The following NQO2 variants were observed in gnomAD, a reference collection of about 807,000 sequenced individuals.
NQO2 encodes the protein ribosyldihydronicotinamide dehydrogenase [quinone].
A neutral mutation model predicts 22.0 loss-of-function variants in NQO2; 18 were observed. The ratio of observed to expected loss-of-function variants is 0.82; its 90% CI spans 0.56 to 1.21. The LOEUF (loss-of-function observed/expected upper bound fraction) is 1.21. Among genes scored for constraint, NQO2 ranks in the 50% most tolerant of loss-of-function variants. NQO2 has a pLI of 0.00. For missense variants in NQO2, 267 were observed against 286.9 expected, an observed-to-expected ratio of 0.93 and a Z score of 0.50; for synonymous variants, 106 against 110.8, an observed-to-expected ratio of 0.96 and a Z score of 0.28.
rs775788830 is a variant in NQO2, at chr6:3,010,197, A to T, written c.172+8A>T. Reference sequence around the variant, plus strand: ...CAGACAAAGATATCACTGGTGAGTCATGGGATAAATGCTCTATTTATAAAA... The same window carrying T: ...CAGACAAAGATATCACTGGTGAGTCTTGGGATAAATGCTCTATTTATAAAA... On this transcript the variant is annotated splice_region_variant and intron_variant, in intron 3 of 6. Transcript: ENST00000380455. The T allele has an allele frequency of 6.3e-7, 1 of 1,584,494 alleles. No homozygotes were observed. The highest frequency in any genetic ancestry group is 2.3e-5 in the East Asian group (1 of 44,388).
intron 1 of NQO2, chr6:3,005,530 C>A: frequency 2.4e-6 from 1 of 413,776 alleles, no homozygotes; most frequent in Non-Finnish European, 3.3e-6. Context: ...ACTGACCATT[C>A]ATACATCTTT....
chr6:3,015,665 T>A, intron 5 of NQO2, 22 bp downstream of exon 5: 1 of 1,608,210 alleles, frequency 6.2e-7, no homozygotes, highest in Non-Finnish European at 8.5e-7. Flanking sequence ...TGGATAAGGA[T>A]CACTATGGAT....
intron 1 of NQO2, among the ~76,000 whole-genome samples, chr6:3,001,045 T>C (rs1226410057): frequency 2.0e-5 from 3 of 151,414 alleles, no homozygotes; most frequent in Admixed American, 1.3e-4. Context: ...AGTTTCACCA[T>C]ATTGGCCAGG....
intron 1 of NQO2, among the ~76,000 whole-genome samples, chr6:3,001,097 T>C (rs533015851): frequency 0.017 from 2,590 of 149,940 alleles, 86 homozygotes; most frequent in African/African-American, 0.059. Flanking sequence ...TTTCTTTTTT[T>C]TTTTTTTTTG....
In NQO2 at chr6:3,015,581, A is replaced by C. The variant is rs201511110; in HGVS notation, c.355A>C (p.Arg119=). ...AGCCATCCTGAAGGGCTGGATGGAT[A>C]GGGTGCTGTGCCAGGGCTTTGCCTT... ...VPAILKGWMD[R]VLCQGFAFDI... The change falls in exon 5 of 7, where the codon AGG becomes CGG. Residue 119 remains arginine (R), a synonymous_variant. Coordinates refer to ENST00000380455, the MANE Select transcript of NQO2 (RefSeq NM_000904.6). The C allele has an allele frequency of 1.9e-6, 3 of 1,614,188 alleles. No homozygotes were observed. The East Asian group carries it at 6.7e-5, about 36-fold the overall frequency.
rs765436840 is a variant in NQO2, at chr6:3,006,493, T to C, written c.-60T>C. 3.8e-5 allele frequency: 62 copies of C among 1,612,210 alleles called. No homozygotes were observed. The African/African-American group carries it at 5.9e-4, about 15-fold the overall frequency. On this transcript the variant is annotated 5_prime_UTR_variant, in exon 2 of 7. Transcript: ENST00000380455. The surrounding 1 kb of genome is among the most constrained non-coding windows in gnomAD (Gnocchi z 4.0). Reference sequence around the variant, plus strand: ...ATTGCTGGACTCGCTGAAGAGAGACTACGCAGGAAAGCCCCAGCCACCCAT... The same window carrying C: ...ATTGCTGGACTCGCTGAAGAGAGACCACGCAGGAAAGCCCCAGCCACCCAT...
chr6:3,008,346 G>A (rs1236329735), intron 2 of NQO2, among the ~76,000 whole-genome samples: 2 of 151,806 alleles, frequency 1.3e-5, no homozygotes, highest in Non-Finnish European at 1.5e-5. Context: ...TTGAACCCGG[G>A]AGGCAGAGGT....
intron 4 of NQO2, 28 bp from the exon 5 acceptor site, chr6:3,015,502 A>T: frequency 6.2e-7 from 1 of 1,607,184 alleles, no homozygotes; most frequent in African/African-American, 1.3e-5. Context: ...CCGCAGCCTC[A>T]GTTTCTCTTT....
chr6:3,006,851 C>T lies in NQO2; in HGVS notation c.7+292C>T. 2.3e-6 allele frequency: 1 copy of T among 441,248 alleles called. No individual in the cohort carries two copies. The allele number at this position is 441,248 out of a possible 1,614,324, so 27.3% of individuals were successfully genotyped here. Reference sequence around the variant, plus strand: ...CCTCAAAAGTGGGGCCCTGCCTATCCTGTCTTTGCTGTGCCTCCAGGCCCT... The same window carrying T: ...CCTCAAAAGTGGGGCCCTGCCTATCTTGTCTTTGCTGTGCCTCCAGGCCCT... On this transcript the variant is annotated intron_variant, in intron 2 of 6. Coordinates refer to ENST00000380455, the MANE Select transcript of NQO2 (RefSeq NM_000904.6). This position sits in a 1 kb window ranked among gnomAD's most constrained non-coding sequence, Gnocchi z 4.0.
chr6:3,015,208 C>T, intron 4 of NQO2: 3 of 1,361,410 alleles, frequency 2.2e-6, no homozygotes, highest in Non-Finnish European at 2.9e-6. Context: ...TTTTGACTGG[C>T]TTGATCACAG....
intron 3 of NQO2, among the ~76,000 whole-genome samples, chr6:3,012,013 A>G (rs1170352899): frequency 6.6e-6 from 1 of 152,374 alleles, no homozygotes; most frequent in East Asian, 1.9e-4. Context: ...GTAAGTACAC[A>G]GAACACTCTA....
chr6:3,010,595 C>G (rs2113449400), intron 3 of NQO2, among the ~76,000 whole-genome samples: 1 of 152,234 alleles, frequency 6.6e-6, no homozygotes, highest in Non-Finnish European at 1.5e-5. Context: ...CTGTTCCTGC[C>G]TCAACCCACA....
Position 3,006,994 on chromosome 6 carries a change from A to G in NQO2, c.7+435A>G, listed in dbSNP as rs1396712935. 14 of 399,892 alleles carry G rather than the reference A, an allele frequency of 3.5e-5. No homozygotes were observed. In the Middle Eastern group the frequency reaches 3.1e-3, roughly 89 times the overall value. The allele number at this position is 399,892 out of a possible 1,614,324, so 24.8% of individuals were successfully genotyped here. On this transcript the variant is annotated intron_variant, in intron 2 of 6. Coordinates refer to ENST00000380455, the MANE Select transcript of NQO2 (RefSeq NM_000904.6). This position sits in a 1 kb window ranked among gnomAD's most constrained non-coding sequence, Gnocchi z 4.0. ...GCAACTGCTTATCATGCACATATAC[A>G]TGAACATGCAATCTCTCAACTTTTT...
chr6:3,014,067 G>A (rs1274424481), intron 4 of NQO2, among the ~76,000 whole-genome samples: 2 of 152,198 alleles, frequency 1.3e-5, no homozygotes, highest in Non-Finnish European at 2.9e-5. Context: ...GAGAACGAGA[G>A]CACTGTTCGC....
rs547564631 is a variant in NQO2 at position 3,017,102 on chromosome 6, G to A, written c.519+117G>A. 919 of 1,213,532 alleles carry A rather than the reference G, an allele frequency of 7.6e-4. 1 individual carries two copies. The highest frequency in any genetic ancestry group is 1.0e-3 in the Non-Finnish European group (871 of 861,966). The allele number at this position is 1,213,532 out of a possible 1,614,324, so 75.2% of individuals were successfully genotyped here. ...CATACATGCCCTCAGCTCCCCGAGG[G>A]GTGAGATGAGATGGGATGGAAGCGT... On this transcript the variant is annotated intron_variant, in intron 6 of 6. Transcript: ENST00000380455.
intron 2 of NQO2, 36 bp from the exon 3 acceptor site, chr6:3,009,989 G>T (rs755933739): frequency 5.1e-5 from 80 of 1,582,042 alleles, no homozygotes; most frequent in South Asian, 3.1e-4. Context: ...GAGAGAGGTT[G>T]TTCTTCAAGA....
chr6:3,000,699 G>C (rs764216855), intron 1 of NQO2, among the ~76,000 whole-genome samples: 1 of 151,598 alleles, frequency 6.6e-6, no homozygotes, highest in Non-Finnish European at 1.5e-5. Flanking sequence ...GTGCCACCAC[G>C]CCTGGCTAAT....
intron 5 of NQO2, among the ~76,000 whole-genome samples, chr6:3,016,056 C>T (rs1392182993): frequency 3.3e-5 from 5 of 152,136 alleles, no homozygotes; most frequent in South Asian, 2.1e-4. Flanking sequence ...AAAGACCATG[C>T]GACACCCACG....
intron 2 of NQO2, 119 bp from the exon 3 acceptor site, chr6:3,009,906 A>C: frequency 7.0e-7 from 1 of 1,437,592 alleles, no homozygotes; most frequent in Non-Finnish European, 9.2e-7. Context: ...AGAAAATTTG[A>C]TATTTCTTAG....
Sources: gnomAD v4.1 joint callset for allele counts (sites outside exome capture counted in the v4.1 genomes callset) on GRCh38, gnomAD v4.1.1 for gene constraint, Gnocchi (gnomAD v3.1) non-coding constraint, MANE v1.5 for transcripts, NCBI Gene and HGNC (gene_info 2026-07-23, HGNC 2026-07-21) for gene names.